Variants in USP42 observed in about 807,000 individuals in gnomAD.
The protein encoded by USP42 is ubiquitin carboxyl-terminal hydrolase 42.
Under a neutral mutation model 113.0 loss-of-function variants are expected in USP42, and 23 were observed. The observed-to-expected ratio is 0.20, with a 90% CI of 0.15 to 0.29. USP42 has a LOEUF of 0.29. Ranked by LOEUF, USP42 falls within the 10% of genes least tolerant of loss-of-function variation. USP42 has a pLI of 1.00. For synonymous variants in USP42, 933 were observed against 699.0 expected (o/e 1.33, Z -5.28); for missense variants, 2,174 against 1,779.8 (o/e 1.22, Z -3.99).
chr7:6,136,000 TA>T (rs1781122555), intron 4 of USP42, 49 bp downstream of exon 4: 1 of 1,031,812 alleles, frequency 9.7e-7, no homozygotes, highest in South Asian at 1.8e-5. Context: ...TACCTAGTTA[TA>T]CTTTTTTTTT....
chr7:6,149,457 G>A lies in USP42; in HGVS notation c.1387-126G>A, dbSNP rs1401085271. 3 of 1,157,726 alleles carry A rather than the reference G, an allele frequency of 2.6e-6. No homozygotes were observed. In the African/African-American group the frequency reaches 4.7e-5, roughly 18 times the overall value. The allele number at this position is 1,157,726 out of a possible 1,614,324, so 71.7% of individuals were successfully genotyped here. A position where few individuals can be genotyped will look rare whatever the true frequency, so the allele number is the denominator to read the frequency against. On this transcript the variant is annotated intron_variant, in intron 12 of 17. Coordinates refer to ENST00000306177, the MANE Select transcript of USP42 (RefSeq NM_032172.3). ...AGAAAAACAGAGAACATTTCCAGGT[G>A]TATGAAACTTGTTAGTCCTGAAAAA... is the stretch of plus-strand genomic sequence containing the variant.
At chr7:6,123,617 C>T (rs545476970) in intron 3 of USP42, among the ~76,000 whole-genome samples, 1 of 151,822 alleles carries the variant, frequency 6.6e-6, no homozygotes, top group Admixed American at 6.6e-5. Context: ...GAGCCGAGAT[C>T]GCGCCACTGC....
intron 3 of USP42, among the ~76,000 whole-genome samples, chr7:6,134,153 A>G (rs1781004121): frequency 6.6e-6 from 1 of 151,932 alleles, no homozygotes; most frequent in South Asian, 2.1e-4. Context: ...AGCTTCCCAA[A>G]GTGCTGGGAT....
At chr7:6,114,596 A>ATG (rs1779776759) in intron 2 of USP42, among the ~76,000 whole-genome samples, 1 of 137,926 alleles carries the variant, frequency 7.3e-6, no homozygotes, top group African/African-American at 2.7e-5. Flanking sequence ...TTGTTGTTTT[A>ATG]TGTATATATA....
chr7:6,140,880 T>C lies in USP42; in HGVS notation c.725-34T>C, dbSNP rs116133220. ...GTTGATGTTGCTGTAATGATTATACTTTGCTCATCTTTTGCATTTTATTTT... is the reference window on the plus strand; with the variant it reads ...GTTGATGTTGCTGTAATGATTATACCTTGCTCATCTTTTGCATTTTATTTT... On this transcript the variant is annotated intron_variant, in intron 6 of 17. Transcript: ENST00000306177. 495 of 1,216,546 alleles carry C rather than the reference T, an allele frequency of 4.1e-4. 2 individuals carry two copies. The African/African-American group carries it at 6.9e-3, about 17-fold the overall frequency. 75.4% of individuals were successfully genotyped at this position (1,216,546 alleles called of 1,614,324 possible).
In USP42 at chr7:6,154,196, G is replaced by A. The variant is rs781546970; in HGVS notation, c.2642G>A (p.Arg881Gln). 3 of 1,602,148 alleles carry A rather than the reference G, an allele frequency of 1.9e-6. No individual in the cohort carries two copies. Among genetic ancestry groups the A allele is most frequent in the African/African-American group, 1.3e-5 (1 of 74,786 alleles). ...LLVHPSGDHA[R>Q]DAQDPSQSLG... ...GTTCACCCCAGCGGGGACCACGCCC[G>A]GGACGCTCAGGACCCATCCCAGAGC... The change falls in exon 15 of 18, where the codon CGG becomes CAG. Residue 881 changes from arginine (R) to glutamine (Q), a missense_variant. By Grantham distance (43) the Arg-to-Gln change is conservative. Transcript: ENST00000306177.
chr7:6,096,199 G>A, the USP42 span, among the ~76,000 whole-genome samples: 3 of 151,182 alleles, frequency 2.0e-5, 1 homozygote, highest in African/African-American at 7.4e-5. Context: ...CTGGCCAGGC[G>A]TGGTGGCTCA....
rs150211756 is a variant in USP42 at position 6,157,541 on chromosome 7, G to A, written c.3943+486G>A. On this transcript the variant is annotated intron_variant, in intron 16 of 17. Transcript: ENST00000306177. The surrounding 1 kb of genome is among the most constrained non-coding windows in gnomAD (Gnocchi z 4.1). The stretch of plus-strand genomic sequence containing the variant: ...GCCTCCTGAGTAGCCGGGACTACAG[G>A]CGCCCGCCACCACGCCCGGCTAAAT... 0.018 allele frequency: 5,670 copies of A among 314,994 alleles called. 84 individuals are homozygous for A. Among genetic ancestry groups the A allele is most frequent in the Non-Finnish European group, 0.024 (5,102 of 217,048 alleles). The allele number at this position is 314,994 out of a possible 1,614,324, so 19.5% of individuals were successfully genotyped here. A position where few individuals can be genotyped will look rare whatever the true frequency, so the allele number is the denominator to read the frequency against.
intron 3 of USP42, among the ~76,000 whole-genome samples, chr7:6,125,819 T>A (rs1004955211): frequency 6.6e-6 from 1 of 152,052 alleles, no homozygotes; most frequent in African/African-American, 2.4e-5. Flanking sequence ...TTTTAGTTTT[T>A]GTTTTTTTTT....
the USP42 span, among the ~76,000 whole-genome samples, chr7:6,081,463 G>C: frequency 6.6e-6 from 1 of 152,130 alleles, no homozygotes; most frequent in East Asian, 1.9e-4. Flanking sequence ...ACAGCCAATC[G>C]CGCCTCGCTC....
intron 14 of USP42, chr7:6,152,871 T>G: frequency 1.1e-6 from 1 of 931,720 alleles, no homozygotes. Flanking sequence ...GTGGCCCCTC[T>G]ACCTTTGAGG....
chr7:6,152,731 A>T (rs568638731), intron 14 of USP42, among the ~76,000 whole-genome samples: 15 of 152,286 alleles, frequency 9.8e-5, no homozygotes, highest in African/African-American at 3.6e-4. Flanking sequence ...TTCATTATTA[A>T]CCCCGAGGAT....
chr7:6,157,325 G>A lies in USP42; in HGVS notation c.3943+270G>A. On this transcript the variant is annotated intron_variant, in intron 16 of 17. Transcript: ENST00000306177. The surrounding 1 kb of genome is among the most constrained non-coding windows in gnomAD (Gnocchi z 4.1). Reference sequence around the variant, plus strand: ...TGTCACCAAAGCCCTGGAACGTACAGCTCTAGGCATCTGACTTTGCCTTGC... The same window carrying A: ...TGTCACCAAAGCCCTGGAACGTACAACTCTAGGCATCTGACTTTGCCTTGC... The A allele has an allele frequency of 1.8e-6, 2 of 1,118,208 alleles. No individual in the cohort carries two copies. Among genetic ancestry groups the A allele is most frequent in the Non-Finnish European group, 2.2e-6 (2 of 916,120 alleles). 69.3% of individuals were successfully genotyped at this position (1,118,208 alleles called of 1,614,324 possible).
intron 7 of USP42, among the ~76,000 whole-genome samples, chr7:6,142,427 A>C (rs768541485): frequency 4.6e-5 from 7 of 152,116 alleles, no homozygotes; most frequent in Non-Finnish European, 1.0e-4. Context: ...CATGTTAGCC[A>C]GGATGGTCTG....
rs1782559713 is a variant in USP42 at position 6,158,017 on chromosome 7, G to A, written c.3943+962G>A. On this transcript the variant is annotated intron_variant, in intron 16 of 17. Transcript: ENST00000306177. This position sits in a 1 kb window ranked among gnomAD's most constrained non-coding sequence, Gnocchi z 4.2. ...TCGAGTCAGTGGACCTAGAGCGGAG[G>A]CTGGCAAACTGCAGCCCTGGGGCCA... is the stretch of plus-strand genomic sequence containing the variant. Among the ~76,000 whole-genome samples, 1 of 152,374 alleles carries A rather than the reference G, an allele frequency of 6.6e-6. No homozygotes were observed. Among genetic ancestry groups the A allele is most frequent in the South Asian group, 2.1e-4 (1 of 4,832 alleles).
intron 3 of USP42, chr7:6,116,754 G>T (rs1426586841): frequency 3.8e-6 from 2 of 532,656 alleles, no homozygotes; most frequent in Non-Finnish European, 7.7e-6. Flanking sequence ...TGTTATGCCA[G>T]AATTAACGTT....
chr7:6,102,109 ATTTTT>A (rs370131326), upstream of USP42, among the ~76,000 whole-genome samples: 4 of 121,640 alleles, frequency 3.3e-5, no homozygotes, highest in Admixed American at 2.5e-4. Flanking sequence ...GTCTCCTAAG[ATTTTT>A]TTTTTTTTTT....
the USP42 span, among the ~76,000 whole-genome samples, chr7:6,084,026 T>G: frequency 6.6e-6 from 1 of 150,820 alleles, no homozygotes; most frequent in Non-Finnish European, 1.5e-5. Flanking sequence ...CGAAGAGGGT[T>G]TTTGTTTTGT....
At chr7:6,114,899 C>CT (rs1218772239) in intron 2 of USP42, among the ~76,000 whole-genome samples, 2 of 151,284 alleles carry the variant, frequency 1.3e-5, no homozygotes, top group Non-Finnish European at 1.5e-5. Flanking sequence ...ACCTTGTTAG[C>CT]CAGGATGGTC....
Sources: allele counts gnomAD v4.1 joint callset (sites outside exome capture counted in the v4.1 genomes callset), GRCh38; gene constraint gnomAD v4.1.1; non-coding constraint Gnocchi (gnomAD v3.1); transcripts MANE v1.5; gene names NCBI Gene and HGNC (gene_info 2026-07-23, HGNC 2026-07-21).